Variants in P2RX7 observed in about 807,000 individuals in gnomAD.
P2RX7 encodes the protein purinergic receptor P2X 7.
A neutral mutation model predicts 71.6 loss-of-function variants in P2RX7; 62 were observed. The observed-to-expected ratio is 0.87, with a 90% CI of 0.71 to 1.07. P2RX7 has a LOEUF of 1.07. Ranked by LOEUF, P2RX7 falls within the 50% of genes least tolerant of loss-of-function variation. The pLI is 0.00. For missense variants in P2RX7, 686 were observed against 748.5 expected (o/e 0.92, Z 0.97); for synonymous variants, 299 against 283.3 (o/e 1.06, Z -0.56).
chr12:121,178,394 A>AATAGATAAAGTT (rs1883515498), intron 11 of P2RX7, among the ~76,000 whole-genome samples: 1 of 152,232 alleles, frequency 6.6e-6, no homozygotes, highest in Admixed American at 6.5e-5. Flanking sequence ...CAGCACTTCT[A>AATAGATAAAGTT]AATGCTTTAT....
At chr12:121,166,345 T>C (rs1881028799) in intron 7 of P2RX7, among the ~76,000 whole-genome samples, 158 bp downstream of exon 7, 1 of 152,232 alleles carries the variant, frequency 6.6e-6, no homozygotes, top group Non-Finnish European at 1.5e-5. Context: ...TTACCTACCA[T>C]ACCTCGTCAA....
At chr12:121,150,826 T>G (rs1477101005) in intron 1 of P2RX7, among the ~76,000 whole-genome samples, 1 of 152,176 alleles carries the variant, frequency 6.6e-6, no homozygotes, top group Non-Finnish European at 1.5e-5. Flanking sequence ...GGAGAATCAC[T>G]TGAACCTGGG....
chr12:121,139,068 A>G (rs1874291714), intron 1 of P2RX7, among the ~76,000 whole-genome samples: 1 of 152,060 alleles, frequency 6.6e-6, no homozygotes. Flanking sequence ...CAGCCTCCCC[A>G]GTAGCTGGGA....
At chr12:121,152,818 C>G (rs886589484) in intron 1 of P2RX7, among the ~76,000 whole-genome samples, 1 of 152,202 alleles carries the variant, frequency 6.6e-6, no homozygotes, top group East Asian at 1.9e-4. Context: ...GTGCCTGGCT[C>G]AAAGCATCTC....
rs1593048158 is a variant in P2RX7, at chr12:121,154,407, G to T, written c.126-378G>T. Among the ~76,000 whole-genome samples, 3 of 152,284 alleles carry T rather than the reference G, an allele frequency of 2.0e-5. No individual in the cohort carries two copies. The South Asian group carries it at 6.2e-4, about 32-fold the overall frequency. On this transcript the variant is annotated intron_variant, in intron 1 of 12. Coordinates refer to ENST00000328963, the MANE Select transcript of P2RX7 (RefSeq NM_002562.6). The surrounding 1 kb of genome is among the most constrained non-coding windows in gnomAD (Gnocchi z 4.2). ...GCCTTAGACTGGAAGGTGCTGATGTGTTACTGAGCCTCCAGACAAAGCTGG... is the reference window on the plus strand; with the variant it reads ...GCCTTAGACTGGAAGGTGCTGATGTTTTACTGAGCCTCCAGACAAAGCTGG...
intron 1 of P2RX7, among the ~76,000 whole-genome samples, chr12:121,134,089 C>T (rs1031549564): frequency 2.6e-5 from 4 of 152,162 alleles, no homozygotes; most frequent in African/African-American, 9.7e-5. Flanking sequence ...TTTTTCTATC[C>T]ATTCATCCAT....
chr12:121,178,468 A>G (rs1463064043), intron 11 of P2RX7, among the ~76,000 whole-genome samples: 6 of 152,202 alleles, frequency 3.9e-5, no homozygotes, highest in African/African-American at 1.2e-4. Flanking sequence ...CTTTCTATAT[A>G]TGAGGAAATT....
At position 121,186,514 on chromosome 12, in the gene P2RX7, G is replaced by C. The variant is rs1884905910; in HGVS notation, c.*1712G>C. On this transcript the variant is annotated 3_prime_UTR_variant, in exon 13 of 13. Transcript: ENST00000328963. The stretch of plus-strand genomic sequence containing the variant: ...CCAAATCAGGTAACTCACCAGACCA[G>C]CCTTGGAATCTATCAAATCTAACTG... 1 of 152,268 alleles carries C rather than the reference G, an allele frequency of 6.6e-6. No individual in the cohort carries two copies. The highest frequency in any genetic ancestry group is 6.5e-5 in the Admixed American group (1 of 15,280). The allele number at this position is 152,268 out of a possible 1,614,324, so 9.4% of individuals were successfully genotyped here.
Position 121,150,447 on chromosome 12 carries a change from G to A in P2RX7, c.126-4338G>A, listed in dbSNP as rs370853828. Among the ~76,000 whole-genome samples the A allele has an allele frequency of 8.4e-4, 128 of 152,308 alleles. 1 individual carries two copies. The South Asian group carries it at 0.022, about 26-fold the overall frequency. ...GTTGCAACATCCAGCATGAGAAAGCGCTGCATGCACCATGTATGTGTTGGG... is the reference window on the plus strand; with the variant it reads ...GTTGCAACATCCAGCATGAGAAAGCACTGCATGCACCATGTATGTGTTGGG... On this transcript the variant is annotated intron_variant, in intron 1 of 12. Coordinates refer to ENST00000328963, the MANE Select transcript of P2RX7 (RefSeq NM_002562.6).
chr12:121,144,237 G>A (rs1023656128), intron 1 of P2RX7, among the ~76,000 whole-genome samples: 29 of 152,132 alleles, frequency 1.9e-4, no homozygotes, highest in Non-Finnish European at 1.5e-4. Context: ...TCGCTCTGTC[G>A]CCCAGGCTGG....
intron 8 of P2RX7, among the ~76,000 whole-genome samples, chr12:121,171,692 G>A (rs1376052563): frequency 2.0e-5 from 3 of 151,882 alleles, no homozygotes; most frequent in African/African-American, 7.3e-5. Flanking sequence ...TTCAAGGCCC[G>A]ATGTTTCTCA....
At chr12:121,166,751 C>T (rs1018571599) in intron 7 of P2RX7, among the ~76,000 whole-genome samples, 3 of 151,966 alleles carry the variant, frequency 2.0e-5, no homozygotes, top group Non-Finnish European at 1.5e-5. Flanking sequence ...TCTCAAGATC[C>T]TTCATTTAGG....
Position 121,165,456 on chromosome 12 carries a change from T to A in P2RX7, c.614+19T>A, listed in dbSNP as rs1476114049. ...ACACCACGTAAGTGCCCAGGCTGCC[T>A]GGCTGTCTTAGTTATCTACTGCTGA... is the stretch of plus-strand genomic sequence containing the variant. On this transcript the variant is annotated intron_variant, in intron 6 of 12. Transcript: ENST00000328963. 6.2e-7 allele frequency: 1 copy of A among 1,601,734 alleles called. No individual in the cohort carries two copies. The highest frequency in any genetic ancestry group is 2.2e-5 in the East Asian group (1 of 44,856).
In P2RX7 at chr12:121,180,396, A is replaced by G. The variant is rs1224055451; in HGVS notation, c.1231A>G (p.Met411Val). The change falls in exon 12 of 13, where the codon ATG becomes GTG. Residue 411 changes from methionine (M) to valine (V), a missense_variant. Met to Val is a conservative substitution (Grantham distance 21). Transcript: ENST00000328963. ...CTTTGTGGATGAATCCCACATTAGG[A>G]TGGTGAACCAGCAGCTACTAGGGAG... ...VSFVDESHIRMVNQQLLGRSL... is the reference protein window; with the variant it reads ...VSFVDESHIRVVNQQLLGRSL... 2 of 1,607,790 alleles carry G rather than the reference A, an allele frequency of 1.2e-6. No homozygotes were observed. Among genetic ancestry groups the G allele is most frequent in the South Asian group, 1.1e-5 (1 of 89,810 alleles).
Position 121,162,469 on chromosome 12 carries a change from C to T in P2RX7, c.482C>T (p.Thr161Ile). 2 of 1,613,930 alleles carry T rather than the reference C, an allele frequency of 1.2e-6. No homozygotes were observed. Among genetic ancestry groups the T allele is most frequent in the Non-Finnish European group, 1.7e-6 (2 of 1,179,994 alleles). ...GTAGTGTATGAAGGGAACCAGAAGA[C>T]CTGTGAAGTCTCTGCCTGGTGCCCC... ...RCVVYEGNQK[T>I]CEVSAWCPIE... Residue 161 changes from threonine (T) to isoleucine (I), a missense_variant, in exon 5 of 13, where the codon ACC (threonine) becomes ATC (isoleucine). By Grantham distance (89) the Thr-to-Ile change is moderately conservative (BLOSUM62 -1). Coordinates refer to ENST00000328963, the MANE Select transcript of P2RX7 (RefSeq NM_002562.6).
chr12:121,165,421 G>A lies in P2RX7; in HGVS notation c.598G>A (p.Gly200Ser), dbSNP rs200294314. The A allele has an allele frequency of 3.6e-5, 58 of 1,613,678 alleles. No individual in the cohort carries two copies. The highest frequency in any genetic ancestry group is 5.0e-5 in the Admixed American group (3 of 59,960). ...CATCAAGAACAATATCGACTTCCCC[G>A]GCCACAACTACACCACGTAAGTGCC... ...VLIKNNIDFPGHNYTTRNILP... is the reference protein window; with the variant it reads ...VLIKNNIDFPSHNYTTRNILP... Residue 200 changes from glycine (G) to serine (S), a missense_variant, in exon 6 of 13, where the codon GGC becomes AGC. By Grantham distance (56) the Gly-to-Ser change is moderately conservative (BLOSUM62 0). Transcript: ENST00000328963.
At chr12:121,176,297 T>C (rs1883111241) in intron 9 of P2RX7, among the ~76,000 whole-genome samples, 1 of 149,166 alleles carries the variant, frequency 6.7e-6, no homozygotes. Flanking sequence ...AAAATTGGAG[T>C]GTTGCCTTCT....
At position 121,154,686 on chromosome 12, in the gene P2RX7, A is replaced by T; in HGVS notation, c.126-99A>T. ...CACACGGAAGCAAGTCACGCAGCAG[A>T]GCTAGGATTGGAACAGAAGTGCCTG... On this transcript the variant is annotated intron_variant, in intron 1 of 12. Coordinates refer to ENST00000328963, the MANE Select transcript of P2RX7 (RefSeq NM_002562.6). The surrounding 1 kb of genome is among the most constrained non-coding windows in gnomAD (Gnocchi z 4.2). The T allele has an allele frequency of 1.2e-6, 1 of 801,656 alleles. No individual in the cohort carries two copies. Among genetic ancestry groups the T allele is most frequent in the African/African-American group, 1.7e-5 (1 of 59,766 alleles). 49.7% of individuals were successfully genotyped at this position (801,656 alleles called of 1,614,324 possible).
rs758645477 is a variant in P2RX7, at chr12:121,161,020, G to T, written c.436+46G>T. On this transcript the variant is annotated intron_variant, in intron 4 of 12. Coordinates refer to ENST00000328963, the MANE Select transcript of P2RX7 (RefSeq NM_002562.6). The stretch of plus-strand genomic sequence containing the variant: ...CGAGACCCTAGGGGTGGATGGTCTG[G>T]CATCTTGGTGACATTTGTGATGCCC... The T allele has an allele frequency of 2.1e-6, 3 of 1,432,524 alleles. No homozygotes were observed. In the South Asian group the frequency reaches 3.4e-5, roughly 16 times the overall value. 88.7% of individuals were successfully genotyped at this position (1,432,524 alleles called of 1,614,324 possible).
Sources: allele counts gnomAD v4.1 joint callset (sites outside exome capture counted in the v4.1 genomes callset), GRCh38; gene constraint gnomAD v4.1.1; non-coding constraint Gnocchi (gnomAD v3.1); transcripts MANE v1.5; gene names NCBI Gene and HGNC (gene_info 2026-07-23, HGNC 2026-07-21).